CLNK: variants seen among roughly 807,000 people sequenced by gnomAD.
CLNK encodes the protein cytokine-dependent hematopoietic cell linker.
A neutral mutation model predicts 68.6 loss-of-function variants in CLNK; 74 were observed. The ratio of observed to expected loss-of-function variants is 1.08; its 90% CI spans 0.89 to 1.31. The LOEUF (loss-of-function observed/expected upper bound fraction) is 1.31, where lower values mean the gene tolerates loss of function less well. CLNK is among the 50% of genes most tolerant of loss of function. The probability of loss-of-function intolerance (pLI) is 0.00; values close to 1 mark genes in which losing one functional copy is unlikely to be tolerated. For synonymous variants in CLNK, 198 were observed against 172.2 expected, an observed-to-expected ratio of 1.15 and a Z score of -1.17; for missense variants, 553 against 515.3, an observed-to-expected ratio of 1.07 and a Z score of -0.71.
chr4:10,643,581 A>G (rs1249937239), intron 2 of CLNK, among the ~76,000 whole-genome samples: 1 of 152,268 alleles, frequency 6.6e-6, no homozygotes, highest in Non-Finnish European at 1.5e-5. Flanking sequence ...AGCCACGCTC[A>G]GGCGCATAAT....
intron 4 of CLNK, among the ~76,000 whole-genome samples, chr4:10,576,534 A>G (rs1266819980): frequency 6.6e-6 from 1 of 152,186 alleles, no homozygotes; most frequent in African/African-American, 2.4e-5. Context: ...AGCCCAGGAG[A>G]GCCTCCTGAT....
the CLNK span, among the ~76,000 whole-genome samples, chr4:10,719,068 TAAATC>T: frequency 6.6e-6 from 1 of 151,874 alleles, no homozygotes; most frequent in East Asian, 1.9e-4. Flanking sequence ...ACTCCATAGA[TAAATC>T]AAAATGTAAT....
intron 2 of CLNK, among the ~76,000 whole-genome samples, chr4:10,600,473 G>A (rs959043163): frequency 3.3e-5 from 5 of 152,134 alleles, no homozygotes; most frequent in Non-Finnish European, 7.4e-5. Context: ...TGTATTTAGG[G>A]AGCCAGGCCA....
the CLNK span, among the ~76,000 whole-genome samples, chr4:10,711,160 G>A: frequency 6.1e-3 from 924 of 152,200 alleles, 5 homozygotes; most frequent in Non-Finnish European, 8.8e-3. Flanking sequence ...AAAGTTATGC[G>A]CTGGTGGCCA....
chr4:10,669,766 C>T (rs1207391020), intron 1 of CLNK, among the ~76,000 whole-genome samples: 1 of 152,144 alleles, frequency 6.6e-6, no homozygotes, highest in Non-Finnish European at 1.5e-5. Context: ...GCCTCATCCC[C>T]TCGTCTTATG....
chr4:10,569,980 C>T (rs1303425691), intron 5 of CLNK, among the ~76,000 whole-genome samples: 1 of 151,986 alleles, frequency 6.6e-6, no homozygotes, highest in Non-Finnish European at 1.5e-5. Flanking sequence ...CAGGACAAAG[C>T]AAAGCAAAGC....
chr4:10,655,273 T>C (rs13143538), intron 2 of CLNK, among the ~76,000 whole-genome samples: 62,942 of 150,970 alleles, frequency 0.42, 14,128 homozygotes, highest in Non-Finnish European at 0.51. Flanking sequence ...CATAAAGATG[T>C]CATTTATCTT....
the CLNK span, among the ~76,000 whole-genome samples, chr4:10,691,053 C>G: frequency 6.6e-6 from 1 of 151,978 alleles, no homozygotes; most frequent in East Asian, 1.9e-4. Context: ...GAGCTGAGGT[C>G]TAAGTAATGA....
intron 4 of CLNK, among the ~76,000 whole-genome samples, chr4:10,579,651 G>C (rs901753807): frequency 6.6e-6 from 1 of 152,174 alleles, no homozygotes; most frequent in African/African-American, 2.4e-5. Context: ...TAACAGGAAA[G>C]CCTGGGCTCT....
intron 2 of CLNK, among the ~76,000 whole-genome samples, chr4:10,622,093 T>C (rs1722479981): frequency 2.6e-5 from 4 of 152,216 alleles, no homozygotes. Flanking sequence ...TTTGGAAATT[T>C]GAGTTCTTAA....
chr4:10,532,144 C>A, intron 12 of CLNK, 112 bp downstream of exon 12: 1 of 793,382 alleles, frequency 1.3e-6, no homozygotes, highest in Non-Finnish European at 2.2e-6. Flanking sequence ...TTGAGCATAG[C>A]TATTGTGAGA....
the CLNK span, among the ~76,000 whole-genome samples, chr4:10,700,693 C>T: frequency 2.0e-5 from 3 of 152,006 alleles, no homozygotes; most frequent in South Asian, 2.1e-4. Flanking sequence ...GCAGGTGGGT[C>T]GTAAAGGAGT....
Position 10,542,245 on chromosome 4 carries a change from TTTCTC to T in CLNK, c.471+5_471+9del. ...ATGAATAACAAATGCATTTTATTGA[TTTCTC>T]TTACCTTGTTCTTTCTTACGGATGC... On this transcript the variant is annotated splice_donor_5th_base_variant and intron_variant, in intron 9 of 18. Transcript: ENST00000226951. 1 of 1,502,564 alleles carries T rather than the reference TTTCTC, an allele frequency of 6.7e-7. No individual in the cohort carries two copies. Among genetic ancestry groups the T allele is most frequent in the Non-Finnish European group, 9.1e-7 (1 of 1,098,114 alleles). 93.1% of individuals were successfully genotyped at this position (1,502,564 alleles called of 1,614,324 possible).
At chr4:10,657,394 C>T (rs1724028574) in intron 2 of CLNK, among the ~76,000 whole-genome samples, 1 of 152,176 alleles carries the variant, frequency 6.6e-6, no homozygotes, top group African/African-American at 2.4e-5. Context: ...ACTGAGAATG[C>T]ATACACATAT....
chr4:10,715,433 T>A, the CLNK span, among the ~76,000 whole-genome samples: 1 of 152,224 alleles, frequency 6.6e-6, no homozygotes, highest in African/African-American at 2.4e-5. Context: ...CCCAGTTCTC[T>A]TATTTTCAAA....
At chr4:10,580,557 A>G (rs1055410561) in intron 4 of CLNK, among the ~76,000 whole-genome samples, 2 of 152,164 alleles carry the variant, frequency 1.3e-5, no homozygotes, top group Non-Finnish European at 2.9e-5. Flanking sequence ...AGGCAGTGAT[A>G]TTGATGATCC....
chr4:10,610,248 G>T (rs1264293184), intron 2 of CLNK, among the ~76,000 whole-genome samples: 1 of 149,682 alleles, frequency 6.7e-6, no homozygotes, highest in Admixed American at 6.6e-5. Flanking sequence ...AGTAGAGACG[G>T]GGTTTCACCG....
At chr4:10,622,205 G>A (rs1179246940) in intron 2 of CLNK, among the ~76,000 whole-genome samples, 1 of 152,156 alleles carries the variant, frequency 6.6e-6, no homozygotes, top group African/African-American at 2.4e-5. Flanking sequence ...TAGGGGCATA[G>A]CCAGCCTGGA....
the CLNK span, among the ~76,000 whole-genome samples, chr4:10,709,943 T>G: frequency 6.6e-6 from 1 of 151,926 alleles, no homozygotes; most frequent in Non-Finnish European, 1.5e-5. Context: ...ACCAGCAGAG[T>G]TTGGACCTGA....
Sources: allele counts gnomAD v4.1 joint callset (sites outside exome capture counted in the v4.1 genomes callset), GRCh38; gene constraint gnomAD v4.1.1; transcripts MANE v1.5; gene names NCBI Gene and HGNC (gene_info 2026-07-23, HGNC 2026-07-21).